Variants in SLC41A2 observed in about 807,000 individuals in gnomAD.
SLC41A2 encodes the protein SLC41A1-like 1.
SLC41A2 carries 32 observed loss-of-function variants against 58.3 expected under a neutral mutation model. That is an observed-to-expected ratio of 0.55 (90% confidence interval 0.41 to 0.74). The LOEUF is 0.74. SLC41A2 is among the 30% of genes least tolerant of loss of function. The probability of loss-of-function intolerance (pLI) is 0.00; values close to 1 mark genes in which losing one functional copy is unlikely to be tolerated. For missense variants in SLC41A2, 514 were observed against 680.6 expected, an observed-to-expected ratio of 0.76 and a Z score of 2.72; for synonymous variants, 190 against 235.0, an observed-to-expected ratio of 0.81 and a Z score of 1.75.
chr12:104,928,419 T>A lies in SLC41A2; in HGVS notation c.109A>T (p.Lys37Ter). The A allele has an allele frequency of 1.3e-6, 2 of 1,555,006 alleles. No homozygotes were observed. Among genetic ancestry groups the A allele is most frequent in the Non-Finnish European group, 1.7e-6 (2 of 1,148,296 alleles). ...ATACTCAAGAGTAAATTTAAAAACTTGTCGGATTGAATTGTGTTTAAACGT... is the reference window on the plus strand; with the variant it reads ...ATACTCAAGAGTAAATTTAAAAACTAGTCGGATTGAATTGTGTTTAAACGT... ...TLRLNTIQSD[K>*]FLNLLLSMVP... Residue 37 changes from lysine (K) to a stop codon, truncating the protein, a stop_gained, in exon 2 of 11, where the codon AAG becomes TAG. Coordinates refer to ENST00000258538, the MANE Select transcript of SLC41A2 (RefSeq NM_001352171.3). LOFTEE classifies it high-confidence loss of function.
chr12:104,860,302 T>C (rs2043160557), intron 8 of SLC41A2, among the ~76,000 whole-genome samples: 1 of 150,948 alleles, frequency 6.6e-6, no homozygotes, highest in Non-Finnish European at 1.5e-5. Flanking sequence ...AAAAACTAGA[T>C]GATGGGTTGA....
At chr12:104,864,122 G>T (rs2043323130) in intron 7 of SLC41A2, among the ~76,000 whole-genome samples, 1 of 151,934 alleles carries the variant, frequency 6.6e-6, no homozygotes. Flanking sequence ...AGTATTTCAT[G>T]GGATTCTGTT....
At chr12:104,815,056 A>G (rs1431188892) in intron 10 of SLC41A2, among the ~76,000 whole-genome samples, 1 of 152,224 alleles carries the variant, frequency 6.6e-6, no homozygotes, top group East Asian at 1.9e-4. Flanking sequence ...TACAATATGA[A>G]TAAAGTTTTC....
rs2046932781 is a variant in SLC41A2, at chr12:104,928,416, A to G, written c.112T>C (p.Phe38Leu). The change falls in exon 2 of 11, where the codon TTT (phenylalanine) becomes CTT (leucine). Residue 38 changes from phenylalanine (F) to leucine (L), a missense_variant. Physicochemically the swap from Phe to Leu is conservative, Grantham distance 22. Around this residue, in one of 3 missense-constraint regions of SLC41A2, gnomAD observed 336 missense variants for 430.0 expected, o/e 0.78. Coordinates refer to ENST00000258538, the MANE Select transcript of SLC41A2 (RefSeq NM_001352171.3). ...ACCATACTCAAGAGTAAATTTAAAA[A>G]CTTGTCGGATTGAATTGTGTTTAAA... is the stretch of plus-strand genomic sequence containing the variant. Reference protein sequence around the residue: ...LRLNTIQSDKFLNLLLSMVPV... With the variant: ...LRLNTIQSDKLLNLLLSMVPV... 6.4e-7 allele frequency: 1 copy of G among 1,555,862 alleles called. No homozygotes were observed. The highest frequency in any genetic ancestry group is 8.7e-7 in the Non-Finnish European group (1 of 1,148,798).
chr12:104,948,363 T>C (rs1209598952), intron 1 of SLC41A2, among the ~76,000 whole-genome samples: 1 of 152,132 alleles, frequency 6.6e-6, no homozygotes, highest in East Asian at 1.9e-4. Context: ...TCCAAAGAAC[T>C]AAACTCTAAT....
At chr12:104,952,966 G>T (rs545065179) in intron 1 of SLC41A2, among the ~76,000 whole-genome samples, 1 of 152,270 alleles carries the variant, frequency 6.6e-6, no homozygotes, top group East Asian at 1.9e-4. Context: ...TGGTTCCAAA[G>T]CACTCTACAC....
At chr12:104,866,372 AGAC>A in intron 7 of SLC41A2, 57 bp downstream of exon 7, 1 of 1,435,754 alleles carries the variant, frequency 7.0e-7, no homozygotes. Context: ...ACACAAAGAC[AGAC>A]AGACGTACAC....
At position 104,874,070 on chromosome 12, in the gene SLC41A2, TTTG is replaced by T. The variant is rs200453987; in HGVS notation, c.1028-7494_1028-7492del. Reference sequence around the variant, plus strand: ...CTTATTTTTACTTTTGTTGCCTGAGTTTGTTTTTTTTTTTTTTTTTTGAGACAG... The same window carrying T: ...CTTATTTTTACTTTTGTTGCCTGAGTTTTTTTTTTTTTTTTTTTGAGACAG... On this transcript the variant is annotated intron_variant, in intron 6 of 10. Coordinates refer to ENST00000258538, the MANE Select transcript of SLC41A2 (RefSeq NM_001352171.3). Among the ~76,000 whole-genome samples the T allele has an allele frequency of 7.4e-3, 1,109 of 149,096 alleles. 11 individuals are homozygous for T. The highest frequency in any genetic ancestry group is 0.026 in the African/African-American group (1,038 of 40,024).
intron 10 of SLC41A2, among the ~76,000 whole-genome samples, chr12:104,819,761 G>A (rs1323326243): frequency 6.6e-6 from 1 of 152,160 alleles, no homozygotes; most frequent in Non-Finnish European, 1.5e-5. Flanking sequence ...TAGAGATTAG[G>A]TTACACCATG....
chr12:104,858,577 A>G (rs1205653339), intron 8 of SLC41A2, among the ~76,000 whole-genome samples: 2 of 152,214 alleles, frequency 1.3e-5, no homozygotes, highest in African/African-American at 4.8e-5. Flanking sequence ...TCAATTCTCA[A>G]AAGTTCCATC....
chr12:104,861,436 C>T, intron 7 of SLC41A2, 66 bp from the exon 8 acceptor site: 1 of 898,414 alleles, frequency 1.1e-6, no homozygotes, highest in Non-Finnish European at 1.7e-6. Flanking sequence ...TTATTCTGTA[C>T]ATACAGACAC....
Position 104,928,565 on chromosome 12 carries a change from A to C in SLC41A2, c.-38T>G. On this transcript the variant is annotated 5_prime_UTR_variant, in exon 2 of 11. Coordinates refer to ENST00000258538, the MANE Select transcript of SLC41A2 (RefSeq NM_001352171.3). ...AAAGACCCTGTACTCCTTAGATCTC[A>C]AGCTTCGGGAACCACAGCAGATGAA... The C allele has an allele frequency of 3.3e-4, 435 of 1,319,878 alleles. No homozygotes were observed. The highest frequency in any genetic ancestry group is 3.9e-4 in the Non-Finnish European group (391 of 998,514). The allele number at this position is 1,319,878 out of a possible 1,614,324, so 81.8% of individuals were successfully genotyped here.
At chr12:104,849,967 T>C (rs188833643) in intron 8 of SLC41A2, among the ~76,000 whole-genome samples, 2 of 152,234 alleles carry the variant, frequency 1.3e-5, no homozygotes, top group African/African-American at 2.4e-5. Context: ...GAAAGAAGTA[T>C]GAAATCAAGA....
intron 10 of SLC41A2, among the ~76,000 whole-genome samples, chr12:104,808,345 T>C (rs373342764): frequency 6.6e-6 from 1 of 152,204 alleles, no homozygotes; most frequent in Non-Finnish European, 1.5e-5. Flanking sequence ...TTGTCGTTGG[T>C]TCTGTTTATA....
At chr12:104,836,842 C>T (rs1220393473) in intron 10 of SLC41A2, among the ~76,000 whole-genome samples, 1 of 152,130 alleles carries the variant, frequency 6.6e-6, no homozygotes, top group East Asian at 1.9e-4. Context: ...CTAGGAGTAA[C>T]AACAGATGAT....
chr12:104,897,884 T>A (rs1474090808), intron 3 of SLC41A2, among the ~76,000 whole-genome samples: 1 of 152,182 alleles, frequency 6.6e-6, no homozygotes, highest in African/African-American at 2.4e-5. Flanking sequence ...CATCCTACTG[T>A]CCAGTGGTTT....
intron 10 of SLC41A2, among the ~76,000 whole-genome samples, chr12:104,839,301 T>C (rs1178040727): frequency 1.3e-5 from 2 of 152,060 alleles, no homozygotes; most frequent in Non-Finnish European, 2.9e-5. Flanking sequence ...GCAGAAAAAA[T>C]ATTTATATAC....
intron 1 of SLC41A2, among the ~76,000 whole-genome samples, chr12:104,947,738 T>C (rs1363741074): frequency 6.6e-6 from 1 of 152,008 alleles, no homozygotes; most frequent in Non-Finnish European, 1.5e-5. Flanking sequence ...GGAACCACAA[T>C]GTTTTAAAAG....
chr12:104,909,896 T>C, intron 2 of SLC41A2, 134 bp from the exon 3 acceptor site: 1 of 586,498 alleles, frequency 1.7e-6, no homozygotes, highest in African/African-American at 1.9e-5. Flanking sequence ...GTTCATGTAA[T>C]CAGCGAGCAC....
Sources: gnomAD v4.1 joint callset for allele counts (sites outside exome capture counted in the v4.1 genomes callset) on GRCh38, gnomAD v4.1.1 for gene constraint, gnomAD v4.1.1 regional missense constraint, MANE v1.5 for transcripts, NCBI Gene and HGNC (gene_info 2026-07-23, HGNC 2026-07-21) for gene names.